Variants in ARRB1 observed in about 807,000 individuals in gnomAD.
ARRB1 encodes arrestin beta 1, also known as beta-arrestin-1.
In ARRB1, 21 loss-of-function variants were observed where a neutral mutation model predicts 56.8. The observed-to-expected ratio is 0.37, with a 90% confidence interval of 0.26 to 0.53. The LOEUF (loss-of-function observed/expected upper bound fraction) is 0.53, where lower values mean the gene tolerates loss of function less well. Among genes scored for constraint, ARRB1 ranks in the 20% least tolerant of loss-of-function variants. The pLI, the probability that ARRB1 is intolerant of heterozygous loss-of-function variation, is 0.88. For synonymous variants in ARRB1, 210 were observed against 218.6 expected, an observed-to-expected ratio of 0.96 and a Z score of 0.35; for missense variants, 424 against 553.7, an observed-to-expected ratio of 0.77 and a Z score of 2.35.
intron 1 of ARRB1, among the ~76,000 whole-genome samples, chr11:75,336,995 T>C (rs2134984189): frequency 1.3e-5 from 2 of 152,334 alleles, no homozygotes; most frequent in Middle Eastern, 6.8e-3. Flanking sequence ...TAGAAAAAGA[T>C]AGACATGTTT....
chr11:75,260,921 A>G lies in ARRB1; in HGVS notation c.*5242T>C, dbSNP rs1945773035. On this transcript the variant is annotated 3_prime_UTR_variant, in exon 16 of 16. Transcript: ENST00000420843. ...TCCGGCGCTGTGTAAAGATGAATTT[A>G]ACCCTAGCCTCTCTCCTATCACACT... 1 of 151,990 alleles carries G rather than the reference A, an allele frequency of 6.6e-6. No individual in the cohort carries two copies. Among genetic ancestry groups the G allele is most frequent in the South Asian group, 2.1e-4 (1 of 4,826 alleles). The allele number at this position is 151,990 out of a possible 1,614,324, so 9.4% of individuals were successfully genotyped here.
At chr11:75,305,019 T>TTTCTTTC (rs200377810) in intron 1 of ARRB1, among the ~76,000 whole-genome samples, 3 of 52,846 alleles carry the variant, frequency 5.7e-5, no homozygotes, top group Non-Finnish European at 1.3e-4. Flanking sequence ...TCTTTCTTTC[T>TTTCTTTC]TTTTTTTTTT....
intron 1 of ARRB1, among the ~76,000 whole-genome samples, chr11:75,332,376 T>C (rs150658125): frequency 3.3e-5 from 5 of 152,330 alleles, no homozygotes; most frequent in Non-Finnish European, 5.9e-5. Flanking sequence ...GCTAGATCTT[T>C]TTCTTCGAGG....
At chr11:75,331,157 T>C (rs1435416055) in intron 1 of ARRB1, among the ~76,000 whole-genome samples, 1 of 152,216 alleles carries the variant, frequency 6.6e-6, no homozygotes, top group Admixed American at 6.5e-5. Context: ...TACAAGCGCC[T>C]GCCACCACGC....
At chr11:75,268,987 C>G in intron 13 of ARRB1, 28 bp from the exon 14 acceptor site, 1 of 1,602,556 alleles carries the variant, frequency 6.2e-7, no homozygotes. Context: ...ACCCAGTGAG[C>G]CTTGAGCGGA....
At position 75,264,626 on chromosome 11, in the gene ARRB1, A is replaced by G. The variant is rs1003948010; in HGVS notation, c.*1537T>C. ...AGGGCCCTGCCACCTCTGAGGTCCA[A>G]TAAATCCCCTCTGGAGGCAGAGAGA... is the stretch of plus-strand genomic sequence containing the variant. On this transcript the variant is annotated 3_prime_UTR_variant, in exon 16 of 16. Coordinates refer to ENST00000420843, the MANE Select transcript of ARRB1 (RefSeq NM_004041.5). The G allele has an allele frequency of 6.6e-6, 1 of 152,112 alleles. No individual in the cohort carries two copies. Among genetic ancestry groups the G allele is most frequent in the African/African-American group, 2.4e-5 (1 of 41,404 alleles). The allele number at this position is 152,112 out of a possible 1,614,324, so 9.4% of individuals were successfully genotyped here. A position where few individuals can be genotyped will look rare whatever the true frequency, so the allele number is the denominator to read the frequency against.
rs769582389 is a variant in ARRB1, at chr11:75,351,568, GGC to G, written c.20+18_20+19del. ...GGTCGCCCCCACGCGCCCCCCGCCGGGCGGCCGCCCTGCACTCACCGGGTCCC... is the reference window on the plus strand; with the variant it reads ...GGTCGCCCCCACGCGCCCCCCGCCGGGGCCGCCCTGCACTCACCGGGTCCC... On this transcript the variant is annotated intron_variant, in intron 1 of 15. Transcript: ENST00000420843. 33 of 1,499,062 alleles carry G rather than the reference GGC, an allele frequency of 2.2e-5. No homozygotes were observed. The highest frequency in any genetic ancestry group is 6.4e-5 in the Admixed American group (3 of 47,224). The allele number at this position is 1,499,062 out of a possible 1,614,324, so 92.9% of individuals were successfully genotyped here.
intron 1 of ARRB1, among the ~76,000 whole-genome samples, chr11:75,349,838 C>T (rs1452168103): frequency 1.3e-5 from 2 of 152,230 alleles, no homozygotes; most frequent in Non-Finnish European, 2.9e-5. Flanking sequence ...CTGCCGTCCC[C>T]CCCAAAGCCT....
chr11:75,344,732 C>A (rs1161388533), intron 1 of ARRB1, among the ~76,000 whole-genome samples: 1 of 152,152 alleles, frequency 6.6e-6, no homozygotes, highest in African/African-American at 2.4e-5. Context: ...AATCCCAGGG[C>A]TCATGTGGGA....
chr11:75,276,134 A>T lies in ARRB1; in HGVS notation c.776+705T>A, dbSNP rs576888312. Among the ~76,000 whole-genome samples the T allele has an allele frequency of 2.0e-3, 298 of 152,344 alleles. 1 individual carries two copies. The highest frequency in any genetic ancestry group is 6.8e-3 in the African/African-American group (284 of 41,576). On this transcript the variant is annotated intron_variant, in intron 10 of 15. Coordinates refer to ENST00000420843, the MANE Select transcript of ARRB1 (RefSeq NM_004041.5). The stretch of plus-strand genomic sequence containing the variant: ...TTCAGTTGCAAGAAATACTGATTGG[A>T]ATTATACATAAACAAATACACATAT...
At chr11:75,332,280 T>C (rs1048215571) in intron 1 of ARRB1, among the ~76,000 whole-genome samples, 4 of 152,232 alleles carry the variant, frequency 2.6e-5, no homozygotes, top group Non-Finnish European at 4.4e-5. Flanking sequence ...CAGAATATTT[T>C]ATCCCAAAAC....
At chr11:75,277,667 G>A (rs1195090315) in intron 8 of ARRB1, among the ~76,000 whole-genome samples, 1 of 152,172 alleles carries the variant, frequency 6.6e-6, no homozygotes, top group East Asian at 1.9e-4. Context: ...AATCCCCCAA[G>A]GCATTGTGAC....
At chr11:75,291,714 G>A (rs937630849) in intron 1 of ARRB1, among the ~76,000 whole-genome samples, 1 of 152,202 alleles carries the variant, frequency 6.6e-6, no homozygotes, top group African/African-American at 2.4e-5. Context: ...ATAAGAGAGG[G>A]GGTTGGGGAA....
chr11:75,334,382 TA>T (rs1038068896), intron 1 of ARRB1, among the ~76,000 whole-genome samples: 38 of 150,550 alleles, frequency 2.5e-4, no homozygotes, highest in Non-Finnish European at 5.2e-4. Flanking sequence ...CCACAGTTTA[TA>T]ACCACTTTCA....
intron 12 of ARRB1, among the ~76,000 whole-genome samples, chr11:75,272,603 C>CACGGG (rs1946094878): frequency 6.6e-6 from 1 of 152,142 alleles, no homozygotes; most frequent in Non-Finnish European, 1.5e-5. Context: ...GACGCCGTCC[C>CACGGG]CTGGGCATGG....
intron 1 of ARRB1, among the ~76,000 whole-genome samples, chr11:75,307,553 G>A (rs1479385291): frequency 6.6e-6 from 1 of 152,182 alleles, no homozygotes; most frequent in South Asian, 2.1e-4. Flanking sequence ...GTGTCCTGGA[G>A]GACAGGGCCA....
At chr11:75,331,727 G>A (rs1947523494) in intron 1 of ARRB1, among the ~76,000 whole-genome samples, 1 of 151,874 alleles carries the variant, frequency 6.6e-6, no homozygotes. Context: ...CTGCACCCAG[G>A]TGAAATAAAC....
chr11:75,268,208 T>C (rs980615201), intron 14 of ARRB1, among the ~76,000 whole-genome samples: 1 of 151,920 alleles, frequency 6.6e-6, no homozygotes, highest in Non-Finnish European at 1.5e-5. Flanking sequence ...CTGCTATCAC[T>C]TGAAAAACAG....
chr11:75,292,636 G>C (rs1024500432), intron 1 of ARRB1, among the ~76,000 whole-genome samples: 1 of 152,112 alleles, frequency 6.6e-6, no homozygotes, highest in Non-Finnish European at 1.5e-5. Flanking sequence ...CAGAAGCCTC[G>C]GGAGCCCATG....
Sources: allele counts gnomAD v4.1 joint callset (sites outside exome capture counted in the v4.1 genomes callset), GRCh38; gene constraint gnomAD v4.1.1; transcripts MANE v1.5; gene names NCBI Gene and HGNC (gene_info 2026-07-23, HGNC 2026-07-21).